The following AKAP9 variants were observed in gnomAD, a reference collection of about 807,000 sequenced individuals.
The protein encoded by AKAP9 is A-kinase anchoring protein 9.
A neutral mutation model predicts 488.5 loss-of-function variants in AKAP9; 311 were observed. The observed-to-expected ratio is 0.64, with a 90% CI of 0.58 to 0.70. The LOEUF is 0.70. Ranked by LOEUF, AKAP9 falls within the 30% of genes least tolerant of loss-of-function variation. The pLI, the probability that AKAP9 is intolerant of heterozygous loss-of-function variation, is 0.00. For missense variants in AKAP9, 4,215 were observed against 4,374.5 expected (o/e 0.96, Z 1.03); for synonymous variants, 1,462 against 1,483.5 (o/e 0.99, Z 0.33).
intron 12 of AKAP9, among the ~76,000 whole-genome samples, chr7:92,020,856 G>A (rs1414485978): frequency 2.6e-5 from 4 of 152,198 alleles, no homozygotes; most frequent in Admixed American, 6.5e-5. Context: ...GGTAGAGGAT[G>A]TATAAGAGTA....
intron 21 of AKAP9, among the ~76,000 whole-genome samples, chr7:92,049,073 A>C (rs1807480204): frequency 6.6e-6 from 1 of 152,160 alleles, no homozygotes; most frequent in African/African-American, 2.4e-5. Context: ...TATCCCACTT[A>C]AACCTGAGGA....
At chr7:92,067,181 A>G (rs981215334) in intron 26 of AKAP9, among the ~76,000 whole-genome samples, 17 of 151,928 alleles carry the variant, frequency 1.1e-4, no homozygotes, top group African/African-American at 7.3e-5. Flanking sequence ...TTTATTTCCT[A>G]TTTATAGCCT....
rs762732656 is a variant in AKAP9 at position 91,974,011 on chromosome 7, G to A, written c.306+43G>A. The A allele has an allele frequency of 6.8e-5, 110 of 1,608,990 alleles. No homozygotes were observed. The Admixed American group carries it at 1.8e-3, about 26-fold the overall frequency. On this transcript the variant is annotated intron_variant, in intron 2 of 49. Coordinates refer to ENST00000356239, the MANE Select transcript of AKAP9 (RefSeq NM_005751.5). ...TTTTTAATCATTATGGTTCTCGATG[G>A]AAAGTAGTCATAACAACAGTCATTA...
At chr7:92,054,395 G>A (rs1389801396) in intron 22 of AKAP9, among the ~76,000 whole-genome samples, 1 of 151,738 alleles carries the variant, frequency 6.6e-6, no homozygotes, top group East Asian at 1.9e-4. Context: ...ACAGCTGGGA[G>A]GCATGCTGTA....
Position 92,097,239 on chromosome 7 carries a change from A to G in AKAP9, c.10280A>G (p.Tyr3427Cys), listed in dbSNP as rs775430597. ...CTGGAAGAGAAAAGACAACAAGTTTATAAGTTAGACCTTGAAGGACAGCGA... is the reference window on the plus strand; with the variant it reads ...CTGGAAGAGAAAAGACAACAAGTTTGTAAGTTAGACCTTGAAGGACAGCGA... The part of the protein sequence containing the change: ...RQLEEKRQQV[Y>C]KLDLEGQRLQ... The change falls in exon 41 of 50, where the codon TAT (tyrosine) becomes TGT (cysteine). Residue 3427 changes from tyrosine to cysteine, a missense_variant. By Grantham distance (194) the Tyr-to-Cys change is radical. Around this residue, in one of 5 missense-constraint regions of AKAP9, gnomAD observed 1,476 missense variants for 1,477.4 expected, o/e 1.00. Coordinates refer to ENST00000356239, the MANE Select transcript of AKAP9 (RefSeq NM_005751.5). The G allele has an allele frequency of 5.6e-6, 9 of 1,613,356 alleles. No individual in the cohort carries two copies. Among genetic ancestry groups the G allele is most frequent in the South Asian group, 5.5e-5 (5 of 90,796 alleles).
At chr7:92,033,248 T>G (rs1166260083) in intron 16 of AKAP9, among the ~76,000 whole-genome samples, 2 of 151,498 alleles carry the variant, frequency 1.3e-5, no homozygotes, top group Admixed American at 1.3e-4. Context: ...CTTAAAGTAT[T>G]TAAAAAAAAA....
chr7:91,997,133 C>G (rs1404080427), intron 7 of AKAP9, among the ~76,000 whole-genome samples: 1 of 152,194 alleles, frequency 6.6e-6, no homozygotes, highest in East Asian at 1.9e-4. Flanking sequence ...TGCTTTACCA[C>G]TAAGGTAATT....
At chr7:92,086,543 T>C in intron 37 of AKAP9, 127 bp downstream of exon 37, 3 of 732,966 alleles carry the variant, frequency 4.1e-6, no homozygotes, top group Non-Finnish European at 6.7e-6. Flanking sequence ...TTTAAAAAAA[T>C]TATTGTAACT....
intron 7 of AKAP9, among the ~76,000 whole-genome samples, chr7:91,999,638 T>G (rs1346244183): frequency 6.6e-6 from 1 of 152,228 alleles, no homozygotes; most frequent in Non-Finnish European, 1.5e-5. Context: ...TAGGCTGAGA[T>G]AACCTGATCT....
chr7:91,949,263 C>CAT (rs376295957), intron 1 of AKAP9, among the ~76,000 whole-genome samples: 18 of 151,890 alleles, frequency 1.2e-4, no homozygotes, highest in South Asian at 2.1e-4. Flanking sequence ...GATTATCTTC[C>CAT]ATATATATAT....
intron 12 of AKAP9, among the ~76,000 whole-genome samples, chr7:92,018,803 T>C (rs1801906429): frequency 6.6e-6 from 1 of 152,238 alleles, no homozygotes; most frequent in South Asian, 2.1e-4. Flanking sequence ...TCATTGCTTC[T>C]AGATCTCTAT....
chr7:92,001,517 G>A lies in AKAP9; in HGVS notation c.1600G>A (p.Val534Ile). 6.2e-7 allele frequency: 1 copy of A among 1,613,912 alleles called. No homozygotes were observed. The highest frequency in any genetic ancestry group is 1.3e-5 in the African/African-American group (1 of 75,058). Reference protein sequence around the residue: ...CALQRQLEDLVEELSFSREQI... With the variant: ...CALQRQLEDLIEELSFSREQI... ...TCTACAGAGACAGCTTGAAGACCTT[G>A]TTGAAGAATTGAGCTTTTCAAGGGA... The change falls in exon 8 of 50, where the codon GTT (valine) becomes ATT (isoleucine). Residue 534 changes from valine to isoleucine, a missense_variant. Transcript: ENST00000356239.
At chr7:92,041,005 T>A (rs1417907326) in intron 18 of AKAP9, 107 bp downstream of exon 18, 1 of 181,200 alleles carries the variant, frequency 5.5e-6, no homozygotes, top group Admixed American at 1.3e-4. Flanking sequence ...GTAGCCATAA[T>A]TTTTTTTTTT....
At chr7:92,017,247 T>C in intron 12 of AKAP9, 145 bp downstream of exon 12, 1 of 668,422 alleles carries the variant, frequency 1.5e-6, no homozygotes, top group African/African-American at 1.8e-5. Flanking sequence ...TTGTAGTAGA[T>C]AATTTATATT....
At chr7:91,946,036 T>C (rs1254950341) in intron 1 of AKAP9, among the ~76,000 whole-genome samples, 3 of 152,232 alleles carry the variant, frequency 2.0e-5, no homozygotes, top group African/African-American at 7.2e-5. Flanking sequence ...ATTACATGAC[T>C]TTTGTTTAAC....
chr7:92,071,254 G>A (rs1811680850), intron 28 of AKAP9, among the ~76,000 whole-genome samples: 1 of 152,176 alleles, frequency 6.6e-6, no homozygotes, highest in Non-Finnish European at 1.5e-5. Flanking sequence ...ACGAAGTTCG[G>A]AGGAACAGGA....
At chr7:92,101,716 C>T (rs1817547289) in intron 45 of AKAP9, among the ~76,000 whole-genome samples, 2 of 152,156 alleles carry the variant, frequency 1.3e-5, no homozygotes, top group Non-Finnish European at 2.9e-5. Flanking sequence ...ATGGTAAGCC[C>T]TCTGAAAAGC....
chr7:92,083,415 A>G lies in AKAP9; in HGVS notation c.8406A>G (p.Ala2802=), dbSNP rs1813943838. 1.9e-6 allele frequency: 3 copies of G among 1,614,054 alleles called. No homozygotes were observed. In the African/African-American group the frequency reaches 4.0e-5, roughly 22 times the overall value. ...NQTPQILVKN[A]GIQINLQSEC... ...CTCCACAAATTCTTGTTAAAAATGC[A>G]GGAATACAAATTAATTTACAGAGTG... The change falls in exon 33 of 50, where the codon GCA becomes GCG. Residue 2802 remains alanine, a synonymous_variant. Coordinates refer to ENST00000356239, the MANE Select transcript of AKAP9 (RefSeq NM_005751.5).
At chr7:91,993,364 AG>A (rs1798013915) in intron 5 of AKAP9, among the ~76,000 whole-genome samples, 1 of 151,748 alleles carries the variant, frequency 6.6e-6, no homozygotes, top group African/African-American at 2.4e-5. Context: ...AATTTTTTGT[AG>A]AGACAGGGTG....
Sources: gnomAD v4.1 joint callset for allele counts (sites outside exome capture counted in the v4.1 genomes callset) on GRCh38, gnomAD v4.1.1 for gene constraint, gnomAD v4.1.1 regional missense constraint, MANE v1.5 for transcripts, NCBI Gene and HGNC (gene_info 2026-07-23, HGNC 2026-07-21) for gene names.